Variants in STK32B observed in about 807,000 individuals in gnomAD.
STK32B encodes the protein serine/threonine kinase 32B, also known as serine/threonine-protein kinase 32B.
Under a neutral mutation model 52.6 loss-of-function variants are expected in STK32B, and 43 were observed. That is an observed-to-expected ratio of 0.82 (90% confidence interval 0.64 to 1.05). The LOEUF (loss-of-function observed/expected upper bound fraction) is 1.05. Ranked by LOEUF, STK32B falls within the 50% of genes least tolerant of loss-of-function variation. The probability of loss-of-function intolerance (pLI) is 0.00; values close to 1 mark genes in which losing one functional copy is unlikely to be tolerated. For synonymous variants in STK32B, 238 were observed against 204.3 expected, an observed-to-expected ratio of 1.17 and a Z score of -1.41; for missense variants, 621 against 534.6, an observed-to-expected ratio of 1.16 and a Z score of -1.59.
At chr4:5,491,981 G>A (rs1325124621) in intron 11 of STK32B, among the ~76,000 whole-genome samples, 1 of 152,132 alleles carries the variant, frequency 6.6e-6, no homozygotes, top group African/African-American at 2.4e-5. Flanking sequence ...GGTTACTGTA[G>A]CCTTGTAGTA....
Position 5,293,703 on chromosome 4 carries a change from G to A in STK32B, c.261-37517G>A, listed in dbSNP as rs191188655. On this transcript the variant is annotated intron_variant, in intron 3 of 11. Coordinates refer to ENST00000282908, the MANE Select transcript of STK32B (RefSeq NM_018401.3). ...TTGGGTATTAGCCCTTTGTCAGATG[G>A]ATAGATTGCAAAAATTTTCTCCCAT... Among the ~76,000 whole-genome samples the A allele has an allele frequency of 3.2e-4, 49 of 152,088 alleles. No homozygotes were observed. In the East Asian group the frequency reaches 9.5e-3, roughly 29 times the overall value.
intron 3 of STK32B, among the ~76,000 whole-genome samples, chr4:5,325,487 C>G (rs1398516772): frequency 3.3e-5 from 5 of 152,038 alleles, no homozygotes; most frequent in African/African-American, 1.2e-4. Context: ...ATTCTGTTTT[C>G]TTGGATTTCT....
intron 1 of STK32B, among the ~76,000 whole-genome samples, chr4:5,134,584 G>T (rs986178462): frequency 6.6e-6 from 1 of 152,184 alleles, no homozygotes; most frequent in African/African-American, 2.4e-5. Flanking sequence ...ACAGACTAAG[G>T]CATATCAGAA....
Position 5,177,829 on chromosome 4 carries a change from C to T in STK32B, c.260+9379C>T, listed in dbSNP as rs1234429551. Among the ~76,000 whole-genome samples the T allele has an allele frequency of 2.0e-5, 3 of 152,230 alleles. No individual in the cohort carries two copies. In the South Asian group the frequency reaches 6.2e-4, roughly 32 times the overall value. ...TCTCCTTTGACTTCATGCCTCACAT[C>T]CAGGTCATGATGATGCAAGAGTTGG... On this transcript the variant is annotated intron_variant, in intron 3 of 11. Coordinates refer to ENST00000282908, the MANE Select transcript of STK32B (RefSeq NM_018401.3).
intron 3 of STK32B, among the ~76,000 whole-genome samples, chr4:5,310,934 G>T (rs1437944163): frequency 6.6e-6 from 1 of 152,108 alleles, no homozygotes; most frequent in Non-Finnish European, 1.5e-5. Context: ...AATAAGCCAG[G>T]CACAGTAAAG....
chr4:5,298,381 C>G (rs1380684093), intron 3 of STK32B, among the ~76,000 whole-genome samples: 1 of 152,142 alleles, frequency 6.6e-6, no homozygotes, highest in Non-Finnish European at 1.5e-5. Context: ...GAAGTTGCGC[C>G]CATAGCCACC....
intron 1 of STK32B, among the ~76,000 whole-genome samples, chr4:5,073,566 C>T (rs146843624): frequency 0.018 from 2,756 of 151,948 alleles, 38 homozygotes; most frequent in Middle Eastern, 0.095. Context: ...ATAACGTTTC[C>T]AGTGCTCTTA....
chr4:5,491,760 G>A (rs946135753), intron 11 of STK32B, among the ~76,000 whole-genome samples: 1 of 151,648 alleles, frequency 6.6e-6, no homozygotes, highest in South Asian at 2.1e-4. Context: ...TTTGTATAAG[G>A]TGTAAGGAAG....
At chr4:5,321,310 G>C (rs1029556406) in intron 3 of STK32B, among the ~76,000 whole-genome samples, 1 of 152,150 alleles carries the variant, frequency 6.6e-6, no homozygotes, top group Non-Finnish European at 1.5e-5. Context: ...TACATAGGAA[G>C]CACTTAGCAT....
intron 1 of STK32B, among the ~76,000 whole-genome samples, chr4:5,085,063 A>G (rs1040078069): frequency 6.6e-6 from 1 of 152,232 alleles, no homozygotes; most frequent in Non-Finnish European, 1.5e-5. Context: ...TTAACTTTCA[A>G]GATTCTCTGA....
At chr4:5,127,923 C>G (rs111726896) in intron 1 of STK32B, among the ~76,000 whole-genome samples, 1 of 152,170 alleles carries the variant, frequency 6.6e-6, no homozygotes. Context: ...GAGAGTTCCC[C>G]TACACGAGCT....
At chr4:5,200,112 A>G (rs539616555) in intron 3 of STK32B, among the ~76,000 whole-genome samples, 2 of 152,250 alleles carry the variant, frequency 1.3e-5, no homozygotes, top group African/African-American at 2.4e-5. Flanking sequence ...CAGTTTCATC[A>G]TCTGTCAAAT....
In STK32B at chr4:5,177,711, A is replaced by G. The variant is rs148639468; in HGVS notation, c.260+9261A>G. 2.5e-3 allele frequency among the ~76,000 whole-genome samples: 385 copies of G among 152,330 alleles called. 2 individuals are homozygous for G. Among genetic ancestry groups the G allele is most frequent in the Middle Eastern group, 6.8e-3 (2 of 294 alleles). On this transcript the variant is annotated intron_variant, in intron 3 of 11. Transcript: ENST00000282908. ...TATTAGGTAAATATACCCATTCCAA[A>G]TGGGAGAAATTGGCCAAAACAGGGG...
At chr4:5,283,622 C>T (rs570496675) in intron 3 of STK32B, among the ~76,000 whole-genome samples, 7 of 152,172 alleles carry the variant, frequency 4.6e-5, no homozygotes, top group African/African-American at 1.4e-4. Flanking sequence ...TCAAGGGAGC[C>T]CCAAGATGGC....
intron 3 of STK32B, among the ~76,000 whole-genome samples, chr4:5,313,313 G>C (rs551558506): frequency 6.6e-6 from 1 of 151,984 alleles, no homozygotes; most frequent in Non-Finnish European, 1.5e-5. Flanking sequence ...TGCAGAGAGA[G>C]CATCTCTGCA....
intron 3 of STK32B, among the ~76,000 whole-genome samples, chr4:5,242,303 T>G (rs1202226957): frequency 5.3e-5 from 8 of 152,250 alleles, no homozygotes; most frequent in Admixed American, 2.6e-4. Context: ...ATTGTGGTTT[T>G]GATTTGCATT....
intron 11 of STK32B, among the ~76,000 whole-genome samples, chr4:5,492,819 A>G (rs954322954): frequency 6.6e-6 from 1 of 151,252 alleles, no homozygotes; most frequent in African/African-American, 2.5e-5. Context: ...CCTTTTCTGC[A>G]TCTGTTGAGA....
intron 7 of STK32B, 139 bp from the exon 8 acceptor site, chr4:5,456,668 C>A: frequency 1.3e-6 from 1 of 780,468 alleles, no homozygotes; most frequent in Non-Finnish European, 1.9e-6. Flanking sequence ...GGGCCACCTG[C>A]TCTGCCGTGA....
chr4:5,313,502 T>C (rs1730452977), intron 3 of STK32B, among the ~76,000 whole-genome samples: 1 of 152,132 alleles, frequency 6.6e-6, no homozygotes, highest in Non-Finnish European at 1.5e-5. Context: ...CTGGAAGTTC[T>C]AGCAACTGCA....
Sources: allele counts gnomAD v4.1 joint callset (sites outside exome capture counted in the v4.1 genomes callset), GRCh38; gene constraint gnomAD v4.1.1; transcripts MANE v1.5; gene names NCBI Gene and HGNC (gene_info 2026-07-23, HGNC 2026-07-21).